The following KCNQ3 variants were observed in gnomAD, a reference collection of about 807,000 sequenced individuals.
KCNQ3 encodes potassium voltage-gated channel subfamily Q member 3.
A neutral mutation model predicts 92.5 loss-of-function variants in KCNQ3; 30 were observed. That is an observed-to-expected ratio of 0.32 (90% confidence interval 0.24 to 0.44). The LOEUF (loss-of-function observed/expected upper bound fraction) is 0.44. Ranked by LOEUF, KCNQ3 falls within the 20% of genes least tolerant of loss-of-function variation. The pLI is 1.00. For missense variants in KCNQ3, 913 were observed against 1,140.3 expected, an observed-to-expected ratio of 0.80 and a Z score of 2.87; for synonymous variants, 450 against 468.8, an observed-to-expected ratio of 0.96 and a Z score of 0.52.
chr8:132,274,565 T>C (rs1816265439), intron 1 of KCNQ3, among the ~76,000 whole-genome samples: 1 of 152,164 alleles, frequency 6.6e-6, no homozygotes, highest in Admixed American at 6.5e-5. Context: ...AGTGCTCCCC[T>C]CCTTGAGCCT....
At chr8:132,266,273 A>G (rs1055552458) in intron 1 of KCNQ3, among the ~76,000 whole-genome samples, 1 of 152,218 alleles carries the variant, frequency 6.6e-6, no homozygotes, top group Non-Finnish European at 1.5e-5. Context: ...AACAACGTAA[A>G]TGATGGAAGA....
chr8:132,182,756 C>G (rs1554628571), intron 3 of KCNQ3, among the ~76,000 whole-genome samples: 1 of 151,452 alleles, frequency 6.6e-6, no homozygotes, highest in Non-Finnish European at 1.5e-5. Flanking sequence ...GCTGCACTTG[C>G]AAAAAACTTG....
At chr8:132,349,756 G>A (rs1818803352) in intron 1 of KCNQ3, among the ~76,000 whole-genome samples, 1 of 152,150 alleles carries the variant, frequency 6.6e-6, no homozygotes, top group Non-Finnish European at 1.5e-5. Flanking sequence ...TATTCTTCCT[G>A]AAAGCATGTG....
intron 9 of KCNQ3, among the ~76,000 whole-genome samples, chr8:132,159,389 A>G (rs1292078568): frequency 1.3e-5 from 2 of 152,170 alleles, no homozygotes; most frequent in Non-Finnish European, 2.9e-5. Context: ...TAAGTATAGT[A>G]TCTTACACCA....
chr8:132,235,818 A>G (rs1362583640), intron 1 of KCNQ3, among the ~76,000 whole-genome samples: 1 of 152,182 alleles, frequency 6.6e-6, no homozygotes, highest in Non-Finnish European at 1.5e-5. Flanking sequence ...ATTTTCTTAG[A>G]AAGGCCTTCC....
chr8:132,285,258 A>AAGACG lies in KCNQ3; in HGVS notation c.387-99082_387-99078dup, dbSNP rs570221074. ...AAGGGTGATTCTGGTGAGAGCACAG[A>AAGACG]AGACGAGAAGGTTACAGAAAGTCTG... is the stretch of plus-strand genomic sequence containing the variant. On this transcript the variant is annotated intron_variant, in intron 1 of 14. Transcript: ENST00000388996. 3.9e-3 allele frequency among the ~76,000 whole-genome samples: 593 copies of AAGACG among 152,326 alleles called. 5 individuals are homozygous for AAGACG. Among genetic ancestry groups the AAGACG allele is most frequent in the African/African-American group, 0.013 (550 of 41,566 alleles).
intron 9 of KCNQ3, among the ~76,000 whole-genome samples, chr8:132,158,116 T>C (rs1226690750): frequency 6.6e-6 from 1 of 152,198 alleles, no homozygotes; most frequent in East Asian, 1.9e-4. Context: ...CCTCTGCATC[T>C]GTTACTCTGC....
intron 1 of KCNQ3, among the ~76,000 whole-genome samples, chr8:132,280,512 G>A (rs922372414): frequency 2.8e-4 from 42 of 152,128 alleles, no homozygotes; most frequent in Non-Finnish European, 4.4e-4. Flanking sequence ...TCACTATAGC[G>A]GGAACAGCAA....
chr8:132,238,943 G>A lies in KCNQ3; in HGVS notation c.387-52762C>T, dbSNP rs185809860. On this transcript the variant is annotated intron_variant, in intron 1 of 14. Transcript: ENST00000388996. ...GGCTACCCTGTAAGTGTAAACAACC[G>A]TGACATGGAGCAAGAGAAGGCTCTG... is the stretch of plus-strand genomic sequence containing the variant. 4.9e-3 allele frequency among the ~76,000 whole-genome samples: 750 copies of A among 152,320 alleles called. 7 individuals are homozygous for A. The highest frequency in any genetic ancestry group is 0.017 in the African/African-American group (720 of 41,564).
Position 132,125,403 on chromosome 8 carries a change from T to A in KCNQ3, c.*3859A>T, listed in dbSNP as rs536493164. The A allele has an allele frequency of 1.3e-5, 2 of 152,298 alleles. No homozygotes were observed. Among genetic ancestry groups the A allele is most frequent in the East Asian group, 3.9e-4 (2 of 5,188 alleles). The allele number at this position is 152,298 out of a possible 1,614,324, so 9.4% of individuals were successfully genotyped here. A position where few individuals can be genotyped will look rare whatever the true frequency, so the allele number is the denominator to read the frequency against. On this transcript the variant is annotated 3_prime_UTR_variant, in exon 15 of 15. Coordinates refer to ENST00000388996, the MANE Select transcript of KCNQ3 (RefSeq NM_004519.4). ...TATTTTATTTTCCTGGTAGACATAG[T>A]TTGAAGGGACCTCTGATGTTTGAGA...
chr8:132,348,011 A>G (rs144462830), intron 1 of KCNQ3, among the ~76,000 whole-genome samples: 3,013 of 148,096 alleles, frequency 0.02, 87 homozygotes, highest in African/African-American at 0.072. Context: ...AGGAAAACCC[A>G]CTATTCCAGA....
chr8:132,177,392 C>T (rs1377038718), intron 4 of KCNQ3, among the ~76,000 whole-genome samples: 1 of 152,174 alleles, frequency 6.6e-6, no homozygotes, highest in East Asian at 1.9e-4. Flanking sequence ...TGAGGCTCCC[C>T]TGCAGTCAAG....
intron 1 of KCNQ3, among the ~76,000 whole-genome samples, chr8:132,322,863 T>C (rs754577316): frequency 1.4e-4 from 21 of 152,262 alleles, no homozygotes; most frequent in Non-Finnish European, 2.1e-4. Context: ...TGATGACCCA[T>C]CTGAGAATAG....
intron 9 of KCNQ3, among the ~76,000 whole-genome samples, chr8:132,148,719 A>G (rs1364587745): frequency 6.6e-6 from 1 of 152,234 alleles, no homozygotes; most frequent in Admixed American, 6.5e-5. Context: ...AGGAGGGAAA[A>G]GGGTGAATTC....
chr8:132,309,479 T>C (rs555820238), intron 1 of KCNQ3, among the ~76,000 whole-genome samples: 4 of 152,328 alleles, frequency 2.6e-5, no homozygotes, highest in African/African-American at 9.6e-5. Flanking sequence ...TTATGCACAC[T>C]GGAAGATATA....
intron 1 of KCNQ3, among the ~76,000 whole-genome samples, chr8:132,430,623 C>T (rs549334994): frequency 7.2e-5 from 11 of 152,334 alleles, no homozygotes; most frequent in African/African-American, 2.6e-4. Flanking sequence ...CACTCCTTTC[C>T]TGAAGATGAA....
intron 1 of KCNQ3, among the ~76,000 whole-genome samples, chr8:132,211,190 A>T (rs911247157): frequency 1.3e-5 from 2 of 152,218 alleles, no homozygotes; most frequent in Non-Finnish European, 2.9e-5. Flanking sequence ...CCTCACAGCA[A>T]ACTATTGATA....
intron 1 of KCNQ3, among the ~76,000 whole-genome samples, chr8:132,434,710 T>C (rs569371987): frequency 1.3e-5 from 2 of 152,310 alleles, no homozygotes; most frequent in East Asian, 3.9e-4. Context: ...CAGGAGCTTA[T>C]AGGACGCTAG....
chr8:132,416,889 G>A (rs1820822415), intron 1 of KCNQ3, among the ~76,000 whole-genome samples: 1 of 152,130 alleles, frequency 6.6e-6, no homozygotes, highest in South Asian at 2.1e-4. Context: ...TGAAAGGCAG[G>A]GCAGGTGTTC....
Sources: gnomAD v4.1 joint callset for allele counts (sites outside exome capture counted in the v4.1 genomes callset) on GRCh38, gnomAD v4.1.1 for gene constraint, MANE v1.5 for transcripts, NCBI Gene and HGNC (gene_info 2026-07-23, HGNC 2026-07-21) for gene names.